The following TOM1L2 variants were observed in gnomAD, a reference collection of about 807,000 sequenced individuals.
TOM1L2 encodes the protein target of myb1 like 2 membrane trafficking protein.
A neutral mutation model predicts 67.9 loss-of-function variants in TOM1L2; 31 were observed. That is an observed-to-expected ratio of 0.46 (90% CI 0.34 to 0.62). The LOEUF (loss-of-function observed/expected upper bound fraction) is 0.62, where lower values mean the gene tolerates loss of function less well. TOM1L2 is among the 20% of genes least tolerant of loss of function. The pLI, the probability that TOM1L2 is intolerant of heterozygous loss-of-function variation, is 0.01. For missense variants in TOM1L2, 606 were observed against 663.5 expected (o/e 0.91, Z 0.95); for synonymous variants, 256 against 254.0 (o/e 1.01, Z -0.07).
At chr17:17,885,421 G>A (rs997336089) in intron 4 of TOM1L2, among the ~76,000 whole-genome samples, 2 of 152,238 alleles carry the variant, frequency 1.3e-5, no homozygotes, top group Admixed American at 6.5e-5. Flanking sequence ...CCAGACTGGG[G>A]AGTTCACCCC....
At chr17:17,886,013 G>A (rs994572349) in intron 4 of TOM1L2, among the ~76,000 whole-genome samples, 1 of 151,422 alleles carries the variant, frequency 6.6e-6, no homozygotes, top group African/African-American at 2.4e-5. Flanking sequence ...TCCCAGAAAT[G>A]GCCCTTCTCA....
intron 4 of TOM1L2, among the ~76,000 whole-genome samples, chr17:17,892,105 G>C (rs1037735927): frequency 6.6e-6 from 1 of 152,146 alleles, no homozygotes; most frequent in Non-Finnish European, 1.5e-5. Flanking sequence ...GACAGAGAGT[G>C]TGTGTGCTTA....
At chr17:17,912,361 C>T (rs1486719762) in intron 1 of TOM1L2, among the ~76,000 whole-genome samples, 4 of 149,572 alleles carry the variant, frequency 2.7e-5, no homozygotes, top group East Asian at 2.0e-4. Context: ...GGGTGGCTGC[C>T]GGGCGGAGAG....
chr17:17,861,267 C>T (rs2036542980), intron 12 of TOM1L2, among the ~76,000 whole-genome samples: 1 of 152,174 alleles, frequency 6.6e-6, no homozygotes, highest in Non-Finnish European at 1.5e-5. Flanking sequence ...GATTGGGAAG[C>T]TCATGTGTGG....
At chr17:17,872,582 C>T (rs1235114104) in intron 7 of TOM1L2, among the ~76,000 whole-genome samples, 1 of 152,248 alleles carries the variant, frequency 6.6e-6, no homozygotes, top group African/African-American at 2.4e-5. Flanking sequence ...GTCAAACAAA[C>T]TTCTGCCTCT....
At chr17:17,849,046 A>C (rs1385638985) in intron 13 of TOM1L2, 187 bp from the exon 14 acceptor site, 3 of 547,214 alleles carry the variant, frequency 5.5e-6, no homozygotes, top group East Asian at 6.4e-5. Flanking sequence ...GGAGAAACAG[A>C]AGCTTTGTTT....
intron 1 of TOM1L2, among the ~76,000 whole-genome samples, chr17:17,960,890 G>C (rs1371942546): frequency 6.6e-6 from 1 of 152,174 alleles, no homozygotes; most frequent in Non-Finnish European, 1.5e-5. Context: ...TCGACTGAAA[G>C]ATAAGGGCAT....
At chr17:17,901,054 C>T (rs1182839628) in intron 2 of TOM1L2, among the ~76,000 whole-genome samples, 11 of 152,098 alleles carry the variant, frequency 7.2e-5, no homozygotes, top group Non-Finnish European at 1.6e-4. Flanking sequence ...GTGGGGGCCA[C>T]GGGGTGGGAA....
intron 1 of TOM1L2, among the ~76,000 whole-genome samples, chr17:17,912,822 G>A (rs1033988025): frequency 1.3e-5 from 2 of 152,072 alleles, no homozygotes; most frequent in Non-Finnish European, 2.9e-5. Context: ...CACTTTGGGA[G>A]GCCAAGGCAG....
intron 13 of TOM1L2, among the ~76,000 whole-genome samples, chr17:17,850,462 G>A (rs1239255179): frequency 6.6e-6 from 1 of 151,284 alleles, no homozygotes; most frequent in African/African-American, 2.4e-5. Context: ...AAAGCACTGT[G>A]TGTATACTTC....
intron 2 of TOM1L2, among the ~76,000 whole-genome samples, chr17:17,903,684 G>A (rs899767124): frequency 6.6e-6 from 1 of 152,052 alleles, no homozygotes; most frequent in Non-Finnish European, 1.5e-5. Context: ...AGCCTTGCGG[G>A]GGTTGCAGGG....
rs529571297 is a variant in TOM1L2 at position 17,898,726 on chromosome 17, C to T, written c.138-52G>A. 2.8e-5 allele frequency: 44 copies of T among 1,578,892 alleles called. No individual in the cohort carries two copies. The Middle Eastern group carries it at 5.0e-4, about 18-fold the overall frequency. On this transcript the variant is annotated intron_variant, in intron 2 of 14. Transcript: ENST00000379504. ...ATACTTACAATCCCACTTGAGGACA[C>T]GATCCTACAGATATGTGAACTAGTA...
chr17:17,953,849 C>T (rs1240848391), intron 1 of TOM1L2, among the ~76,000 whole-genome samples: 1 of 152,204 alleles, frequency 6.6e-6, no homozygotes, highest in Non-Finnish European at 1.5e-5. Flanking sequence ...GCACAGTCCC[C>T]TGCACAAGCA....
At chr17:17,949,186 T>C (rs781604349) in intron 1 of TOM1L2, among the ~76,000 whole-genome samples, 1 of 152,188 alleles carries the variant, frequency 6.6e-6, no homozygotes, top group Non-Finnish European at 1.5e-5. Flanking sequence ...CCACCTGCCA[T>C]TAAGGGTCTC....
intron 1 of TOM1L2, among the ~76,000 whole-genome samples, chr17:17,923,966 T>A (rs2039986626): frequency 6.6e-6 from 1 of 151,834 alleles, no homozygotes. Flanking sequence ...TGAAACCCCG[T>A]CTCCACTAAA....
At chr17:17,850,387 G>C (rs1375652764) in intron 13 of TOM1L2, among the ~76,000 whole-genome samples, 5 of 152,030 alleles carry the variant, frequency 3.3e-5, no homozygotes, top group African/African-American at 9.7e-5. Flanking sequence ...TGGGTCTTTG[G>C]GGCAGGGGTT....
intron 1 of TOM1L2, among the ~76,000 whole-genome samples, chr17:17,969,801 GC>G (rs1193184325): frequency 6.6e-6 from 1 of 152,078 alleles, no homozygotes; most frequent in Non-Finnish European, 1.5e-5. Flanking sequence ...CAGATACTAT[GC>G]TAAGTGTTTT....
intron 1 of TOM1L2, among the ~76,000 whole-genome samples, chr17:17,950,837 T>C (rs1319632005): frequency 6.6e-6 from 1 of 152,112 alleles, no homozygotes; most frequent in Non-Finnish European, 1.5e-5. Flanking sequence ...ACCATGAAGG[T>C]AGTCCCCAGG....
At chr17:17,871,312 A>C (rs2143871812) in intron 7 of TOM1L2, among the ~76,000 whole-genome samples, 1 of 152,172 alleles carries the variant, frequency 6.6e-6, no homozygotes, top group Non-Finnish European at 1.5e-5. Flanking sequence ...CGGAGCTTGC[A>C]GTGAGCCGAG....
Sources: allele counts gnomAD v4.1 joint callset (sites outside exome capture counted in the v4.1 genomes callset), GRCh38; gene constraint gnomAD v4.1.1; transcripts MANE v1.5; gene names NCBI Gene and HGNC (gene_info 2026-07-23, HGNC 2026-07-21).